SPOCK3: variants seen among roughly 807,000 people sequenced by gnomAD.
SPOCK3 encodes SPARC (osteonectin), cwcv and kazal like domains proteoglycan 3, also known as testican-3.
SPOCK3 carries 30 observed loss-of-function variants against 56.6 expected under a neutral mutation model. The observed-to-expected ratio is 0.53, with a 90% CI of 0.40 to 0.72. The LOEUF (loss-of-function observed/expected upper bound fraction) is 0.72. Ranked by LOEUF, SPOCK3 falls within the 30% of genes least tolerant of loss-of-function variation. SPOCK3 has a pLI of 0.00. For synonymous variants in SPOCK3, 196 were observed against 183.3 expected (o/e 1.07, Z -0.56); for missense variants, 527 against 530.0 (o/e 0.99, Z 0.06).
chr4:166,862,051 A>G (rs1450937691), intron 6 of SPOCK3, among the ~76,000 whole-genome samples: 1 of 152,110 alleles, frequency 6.6e-6, no homozygotes, highest in Admixed American at 6.6e-5. Context: ...GCTTAATCAA[A>G]TTAAGTTTTT....
intron 2 of SPOCK3, among the ~76,000 whole-genome samples, chr4:167,161,133 C>T (rs1248145746): frequency 6.6e-6 from 1 of 152,006 alleles, no homozygotes; most frequent in Non-Finnish European, 1.5e-5. Context: ...ATAATTTTTG[C>T]AATCCACTCA....
intron 5 of SPOCK3, among the ~76,000 whole-genome samples, chr4:166,893,699 A>C (rs984731384): frequency 6.6e-6 from 1 of 152,176 alleles, no homozygotes; most frequent in African/African-American, 2.4e-5. Context: ...TAGCAATACA[A>C]ATTTTCATTC....
chr4:167,171,101 C>A (rs1048263341), intron 2 of SPOCK3, among the ~76,000 whole-genome samples: 4 of 152,088 alleles, frequency 2.6e-5, no homozygotes, highest in Non-Finnish European at 5.9e-5. Flanking sequence ...AAGACTAAAG[C>A]ACCCAATCCC....
At chr4:167,188,196 C>T (rs1732182611) in intron 2 of SPOCK3, among the ~76,000 whole-genome samples, 1 of 146,252 alleles carries the variant, frequency 6.8e-6, no homozygotes, top group Admixed American at 7.0e-5. Flanking sequence ...CTCAGCTAAA[C>T]AGCCCGCTGT....
chr4:167,100,778 A>C (rs1321086371), intron 2 of SPOCK3, among the ~76,000 whole-genome samples: 1 of 152,140 alleles, frequency 6.6e-6, no homozygotes, highest in Non-Finnish European at 1.5e-5. Flanking sequence ...CATCAATCAA[A>C]TCATTATATT....
At chr4:167,176,303 C>T (rs1730975907) in intron 2 of SPOCK3, among the ~76,000 whole-genome samples, 1 of 152,088 alleles carries the variant, frequency 6.6e-6, no homozygotes, top group African/African-American at 2.4e-5. Context: ...CAGGGCATGA[C>T]CATCTTTGGG....
chr4:166,922,160 C>T (rs1457131884), intron 4 of SPOCK3, among the ~76,000 whole-genome samples: 2 of 152,136 alleles, frequency 1.3e-5, no homozygotes, highest in Non-Finnish European at 2.9e-5. Flanking sequence ...CAGTTTCATA[C>T]CCAAACCATC....
intron 6 of SPOCK3, among the ~76,000 whole-genome samples, chr4:166,868,117 T>C (rs1732048993): frequency 6.6e-6 from 1 of 151,972 alleles, no homozygotes; most frequent in African/African-American, 2.4e-5. Flanking sequence ...TGTTTCTTGC[T>C]ACTCTAGTTA....
chr4:166,831,564 C>A (rs1170763005), intron 6 of SPOCK3, among the ~76,000 whole-genome samples: 2 of 151,958 alleles, frequency 1.3e-5, no homozygotes, highest in African/African-American at 4.8e-5. Context: ...TTTCATTTAA[C>A]ATATCAAATT....
At chr4:166,786,971 C>A in intron 7 of SPOCK3, among the ~76,000 whole-genome samples, 1 of 152,110 alleles carries the variant, frequency 6.6e-6, no homozygotes, top group East Asian at 1.9e-4. Flanking sequence ...TCTGCTTTCT[C>A]CTCCTATGTG....
At chr4:166,740,517 A>C (rs1011024234) in intron 9 of SPOCK3, among the ~76,000 whole-genome samples, 1 of 50,538 alleles carries the variant, frequency 2.0e-5, no homozygotes, top group Admixed American at 1.8e-4. Context: ...TATTATTATT[A>C]TTATTATTAT....
chr4:166,792,084 G>T, intron 7 of SPOCK3, 86 bp downstream of exon 7: 1 of 1,473,594 alleles, frequency 6.8e-7, no homozygotes, highest in Non-Finnish European at 9.4e-7. Flanking sequence ...AATAAATACT[G>T]AAATATGTGT....
intron 4 of SPOCK3, among the ~76,000 whole-genome samples, chr4:166,951,045 C>G (rs1742544521): frequency 7.3e-6 from 1 of 136,530 alleles, no homozygotes; most frequent in Admixed American, 7.0e-5. Context: ...CAAGAGCAAA[C>G]ACATTCAAAA....
intron 2 of SPOCK3, among the ~76,000 whole-genome samples, chr4:167,190,704 C>A (rs775195956): frequency 2.1e-5 from 3 of 145,312 alleles, no homozygotes; most frequent in African/African-American, 7.9e-5. Context: ...TGTCAAGGAG[C>A]CTTGTTCATA....
At chr4:167,035,788 T>C (rs760029622) in intron 3 of SPOCK3, among the ~76,000 whole-genome samples, 1 of 152,174 alleles carries the variant, frequency 6.6e-6, no homozygotes, top group Non-Finnish European at 1.5e-5. Context: ...GCCCTGTCTT[T>C]GAACATTAAT....
At chr4:166,988,964 T>C (rs933222091) in intron 4 of SPOCK3, among the ~76,000 whole-genome samples, 5 of 152,088 alleles carry the variant, frequency 3.3e-5, no homozygotes, top group African/African-American at 1.2e-4. Context: ...TGGAATTAAA[T>C]ATCTCTAAAG....
At chr4:167,017,023 T>C (rs569823832) in intron 3 of SPOCK3, among the ~76,000 whole-genome samples, 1 of 152,084 alleles carries the variant, frequency 6.6e-6, no homozygotes, top group Non-Finnish European at 1.5e-5. Context: ...ATTTGAAACA[T>C]GCAAAGAATA....
intron 2 of SPOCK3, among the ~76,000 whole-genome samples, chr4:167,069,229 T>C (rs1182917540): frequency 6.6e-6 from 1 of 151,908 alleles, no homozygotes; most frequent in Non-Finnish European, 1.5e-5. Context: ...GACATTCTCG[T>C]GCTAGTTCAT....
chr4:167,037,893 TTTGTTG>T lies in SPOCK3; in HGVS notation c.235+24593_235+24598del, dbSNP rs757454587. On this transcript the variant is annotated intron_variant, in intron 3 of 10. Coordinates refer to ENST00000357545, the MANE Select transcript of SPOCK3 (RefSeq NM_001040159.2). ...TAGCTTTTGAGAAAGTAAAAAACTT[TTTGTTG>T]TTGTTGTTGTTGTTACTTTTGTTTT... Among the ~76,000 whole-genome samples the T allele has an allele frequency of 6.6e-5, 10 of 152,312 alleles. No homozygotes were observed. The South Asian group carries it at 1.5e-3, about 22-fold the overall frequency.
Sources: allele counts gnomAD v4.1 joint callset (sites outside exome capture counted in the v4.1 genomes callset), GRCh38; gene constraint gnomAD v4.1.1; transcripts MANE v1.5; gene names NCBI Gene and HGNC (gene_info 2026-07-23, HGNC 2026-07-21).